TELO2: variants seen among roughly 807,000 people sequenced by gnomAD.
The protein encoded by TELO2 is telomere maintenance 2.
A neutral mutation model predicts 91.0 loss-of-function variants in TELO2; 71 were observed. That is an observed-to-expected ratio of 0.78 (90% confidence interval 0.64 to 0.95). The LOEUF (loss-of-function observed/expected upper bound fraction) is 0.95. Among genes scored for constraint, TELO2 ranks in the 40% least tolerant of loss-of-function variants. The pLI is 0.00. For missense variants in TELO2, 1,183 were observed against 1,141.3 expected (o/e 1.04, Z -0.53); for synonymous variants, 584 against 518.9 (o/e 1.13, Z -1.71).
rs934437223 is a variant in TELO2 at position 1,497,565 on chromosome 16, G to A, written c.830+57G>A. On this transcript the variant is annotated intron_variant, in intron 5 of 20. Coordinates refer to ENST00000262319, the MANE Select transcript of TELO2 (RefSeq NM_016111.4). The surrounding 1 kb of genome is among the most constrained non-coding windows in gnomAD (Gnocchi z 4.0). ...GGCTTCTGGGGTCTGGACCCCCAGA[G>A]GCTGCCATTCCTTCACGCTACTTCT... is the stretch of plus-strand genomic sequence containing the variant. 42 of 1,493,870 alleles carry A rather than the reference G, an allele frequency of 2.8e-5. No individual in the cohort carries two copies. The African/African-American group carries it at 5.4e-4, about 19-fold the overall frequency. 92.5% of individuals were successfully genotyped at this position (1,493,870 alleles called of 1,614,324 possible).
rs1032489269 is a variant in TELO2, at chr16:1,495,336, G to T, written c.336-10G>T. 3.9e-6 allele frequency: 6 copies of T among 1,534,912 alleles called. No homozygotes were observed. Among genetic ancestry groups the T allele is most frequent in the Non-Finnish European group, 5.3e-6 (6 of 1,135,992 alleles). ...GTTGGCGGCTCTGCCCAACACGCCCGTATCTTCAGCCCCAGCTTCCGGCTG... is the reference window on the plus strand; with the variant it reads ...GTTGGCGGCTCTGCCCAACACGCCCTTATCTTCAGCCCCAGCTTCCGGCTG... On this transcript the variant is annotated splice_polypyrimidine_tract_variant and intron_variant, in intron 2 of 20. Transcript: ENST00000262319.
rs143221233 is a variant in TELO2 at position 1,507,911 on chromosome 16, GGT to G, written c.2407+211_2407+212del. On this transcript the variant is annotated intron_variant, in intron 20 of 20. Coordinates refer to ENST00000262319, the MANE Select transcript of TELO2 (RefSeq NM_016111.4). ...GTGTGTGTGATGTGTGTCGGCCCGGGGTGTGTGTGTGTGTGTGGGTGTGTGTG... is the reference window on the plus strand; with the variant it reads ...GTGTGTGTGATGTGTGTCGGCCCGGGGTGTGTGTGTGTGTGGGTGTGTGTG... Among the ~76,000 whole-genome samples, 35 of 130,588 alleles carry G rather than the reference GGT, an allele frequency of 2.7e-4. No homozygotes were observed. In the East Asian group the frequency reaches 4.0e-3, roughly 15 times the overall value. The allele number at this position is 130,588 out of a possible 152,430, so 85.7% of individuals were successfully genotyped here. A position where few individuals can be genotyped will look rare whatever the true frequency, so the allele number is the denominator to read the frequency against.
chr16:1,494,580 T>TC lies in TELO2; in HGVS notation c.301dup (p.Leu101ProfsTer179). On this transcript the variant is annotated frameshift_variant, in exon 2 of 21. Coordinates refer to ENST00000262319, the MANE Select transcript of TELO2 (RefSeq NM_016111.4). LOFTEE classifies it high-confidence loss of function. The surrounding 1 kb of genome is among the most constrained non-coding windows in gnomAD (Gnocchi z 5.6). ...CTGGAGGGCCCGGCGGACCAAGCCT[T>TC]CCTGGTGTTGATGGAGACCATCGAG... 1 of 1,613,444 alleles carries TC rather than the reference T, an allele frequency of 6.2e-7. No individual in the cohort carries two copies. Among genetic ancestry groups the TC allele is most frequent in the Non-Finnish European group, 8.5e-7 (1 of 1,179,902 alleles).
chr16:1,495,202 TC>T (rs1479464921), intron 2 of TELO2, 143 bp from the exon 3 acceptor site: 47 of 1,207,880 alleles, frequency 3.9e-5, no homozygotes, highest in Non-Finnish European at 5.2e-5. Context: ...TAACAGATTT[TC>T]CCATCCGGCT....
At chr16:1,506,387 C>T in intron 17 of TELO2, 58 bp downstream of exon 17, 1 of 1,612,258 alleles carries the variant, frequency 6.2e-7, no homozygotes, top group Non-Finnish European at 8.5e-7. Flanking sequence ...GGACGTACCA[C>T]TGTGGCCAAG....
At position 1,495,626 on chromosome 16, in the gene TELO2, G is replaced by A. The variant is rs760002194; in HGVS notation, c.613+3G>A. 13 of 1,583,768 alleles carry A rather than the reference G, an allele frequency of 8.2e-6. No individual in the cohort carries two copies. Among genetic ancestry groups the A allele is most frequent in the Non-Finnish European group, 9.5e-6 (11 of 1,160,330 alleles). The stretch of plus-strand genomic sequence containing the variant: ...GGCGGTTGTGGACTCTCTCCAAGGT[G>A]AGGCCCTGCCTCGGGGACCCCCTTT... On this transcript the variant is annotated splice_donor_region_variant and intron_variant, in intron 3 of 20. Coordinates refer to ENST00000262319, the MANE Select transcript of TELO2 (RefSeq NM_016111.4).
intron 20 of TELO2, 101 bp from the exon 21 acceptor site, chr16:1,509,729 A>G: frequency 9.1e-7 from 1 of 1,092,912 alleles, no homozygotes; most frequent in South Asian, 1.4e-5. Flanking sequence ...TCTTCCATGG[A>G]GTCAGGCCTG....
Position 1,494,290 on chromosome 16 carries a change from A to G in TELO2, c.9A>G (p.Pro3=). 6.2e-7 allele frequency: 1 copy of G among 1,612,458 alleles called. No homozygotes were observed. Among genetic ancestry groups the G allele is most frequent in the Non-Finnish European group, 8.5e-7 (1 of 1,179,404 alleles). The change falls in exon 2 of 21, where the codon CCA becomes CCG. Residue 3 remains proline, a synonymous_variant. Transcript: ENST00000262319. This position sits in a 1 kb window ranked among gnomAD's most constrained non-coding sequence, Gnocchi z 5.6. ...CAGATCTGTCCTGCAGGATGGAGCC[A>G]GCACCCTCAGAGGTTCGACTCGCCG... The part of the protein sequence containing the change: ME[P]APSEVRLAVR...
chr16:1,504,005 G>A (rs1012577988), intron 15 of TELO2, among the ~76,000 whole-genome samples: 13 of 151,756 alleles, frequency 8.6e-5, no homozygotes, highest in African/African-American at 2.4e-4. Context: ...GGGCGCCTGT[G>A]GTCCCTGCTA....
chr16:1,507,103 A>G, intron 18 of TELO2, 52 bp downstream of exon 18: 1 of 1,543,348 alleles, frequency 6.5e-7, no homozygotes, highest in Non-Finnish European at 8.7e-7. Flanking sequence ...ATGGATCAGG[A>G]GCGCTCCTCA....
rs748934962 is a variant in TELO2, at chr16:1,494,548, C to T, written c.267C>T (p.Ser89=). ...PHGRLEELWA[S]FFLEGPADQA... Reference sequence around the variant, plus strand: ...GCCGCCTGGAGGAGCTGTGGGCCAGCTTCTTCCTGGAGGGCCCGGCGGACC... The same window carrying T: ...GCCGCCTGGAGGAGCTGTGGGCCAGTTTCTTCCTGGAGGGCCCGGCGGACC... Residue 89 remains serine (S), a synonymous_variant, in exon 2 of 21, where the codon AGC becomes AGT. Transcript: ENST00000262319. The surrounding 1 kb of genome is among the most constrained non-coding windows in gnomAD (Gnocchi z 5.6). The T allele has an allele frequency of 6.2e-6, 10 of 1,613,414 alleles. No homozygotes were observed. In the African/African-American group the frequency reaches 9.3e-5, roughly 15 times the overall value.
At position 1,495,628 on chromosome 16, in the gene TELO2, G is replaced by A; in HGVS notation, c.613+5G>A. The A allele has an allele frequency of 1.9e-6, 3 of 1,579,698 alleles. No homozygotes were observed. Among genetic ancestry groups the A allele is most frequent in the Non-Finnish European group, 2.6e-6 (3 of 1,158,072 alleles). On this transcript the variant is annotated splice_donor_5th_base_variant and intron_variant, in intron 3 of 20. Coordinates refer to ENST00000262319, the MANE Select transcript of TELO2 (RefSeq NM_016111.4). ...CGGTTGTGGACTCTCTCCAAGGTGA[G>A]GCCCTGCCTCGGGGACCCCCTTTGC...
rs61742313 is a variant in TELO2 at position 1,494,295 on chromosome 16, C to G, written c.14C>G (p.Pro5Arg). 57 of 1,612,936 alleles carry G rather than the reference C, an allele frequency of 3.5e-5. No homozygotes were observed. In the African/African-American group the frequency reaches 6.5e-4, roughly 18 times the overall value. MEPA[P>R]SEVRLAVREA... is the part of the protein sequence containing the mutation. The stretch of plus-strand genomic sequence containing the variant: ...CTGTCCTGCAGGATGGAGCCAGCAC[C>G]CTCAGAGGTTCGACTCGCCGTCCGG... Residue 5 changes from proline (P) to arginine (R), a missense_variant, in exon 2 of 21, where the codon CCC becomes CGC. Physicochemically the swap from Pro to Arg is moderately radical, Grantham distance 103. Coordinates refer to ENST00000262319, the MANE Select transcript of TELO2 (RefSeq NM_016111.4). This position sits in a 1 kb window ranked among gnomAD's most constrained non-coding sequence, Gnocchi z 5.6.
In TELO2 at chr16:1,510,278, C is replaced by T. The variant is rs779676743; in HGVS notation, c.*342C>T. 2.8e-6 allele frequency: 1 copy of T among 351,706 alleles called. No homozygotes were observed. Among genetic ancestry groups the T allele is most frequent in the African/African-American group, 2.1e-5 (1 of 47,294 alleles). 21.8% of individuals were successfully genotyped at this position (351,706 alleles called of 1,614,324 possible). ...GCTGCTCAGAGCCCCCAAGGCTCTC[C>T]TCTGAGAGCCACCAAGCAGGACAGA... On this transcript the variant is annotated 3_prime_UTR_variant, in exon 21 of 21. Coordinates refer to ENST00000262319, the MANE Select transcript of TELO2 (RefSeq NM_016111.4).
rs765327109 is a variant in TELO2 at position 1,507,629 on chromosome 16, G to A, written c.2320G>A (p.Val774Ile). 1.6e-5 allele frequency: 25 copies of A among 1,596,822 alleles called. No homozygotes were observed. The highest frequency in any genetic ancestry group is 5.3e-5 in the African/African-American group (4 of 74,878). The change falls in exon 20 of 21, where the codon GTC (valine) becomes ATC (isoleucine). Residue 774 changes from valine (V) to isoleucine (I), a missense_variant. Val to Ile is a conservative substitution (Grantham distance 29). Transcript: ENST00000262319. ...AYVRQGLLSA[V>I]SSVLLSLPAA... ...CGTGCGCCAGGGGCTGTTGTCGGCC[G>A]TCTCCTCCGTCCTGCTCAGCCTGCC...
chr16:1,499,463 G>A, intron 6 of TELO2, 130 bp downstream of exon 6: 2 of 1,011,396 alleles, frequency 2.0e-6, no homozygotes, highest in South Asian at 1.4e-5. Context: ...GCTGGCAGGA[G>A]TTGGCGAGGC....
chr16:1,501,885 C>T, intron 11 of TELO2, 112 bp downstream of exon 11: 2 of 1,450,782 alleles, frequency 1.4e-6, no homozygotes, highest in South Asian at 1.2e-5. Context: ...TGCTTCTTCT[C>T]TTTCGTCCTC....
At chr16:1,502,220 A>G (rs2039714857) in intron 12 of TELO2, 85 bp downstream of exon 12, 1 of 1,583,902 alleles carries the variant, frequency 6.3e-7, no homozygotes, top group Admixed American at 1.8e-5. Flanking sequence ...GCCACCGGGA[A>G]GCCCTGGGCC....
In TELO2 at chr16:1,505,138, C is replaced by A; in HGVS notation, c.1843-272C>A. 1 of 431,672 alleles carries A rather than the reference C, an allele frequency of 2.3e-6. No individual in the cohort carries two copies. The highest frequency in any genetic ancestry group is 4.2e-6 in the Non-Finnish European group (1 of 238,704). 26.7% of individuals were successfully genotyped at this position (431,672 alleles called of 1,614,324 possible). ...ATAAGGGCATGTGGCTCTGGCGTGG[C>A]GGGACTGCGTGGCTTTAGGATGAGG... On this transcript the variant is annotated intron_variant, in intron 15 of 20. Coordinates refer to ENST00000262319, the MANE Select transcript of TELO2 (RefSeq NM_016111.4). The surrounding 1 kb of genome is among the most constrained non-coding windows in gnomAD (Gnocchi z 4.3).
Sources: gnomAD v4.1 joint callset for allele counts (sites outside exome capture counted in the v4.1 genomes callset) on GRCh38, gnomAD v4.1.1 for gene constraint, Gnocchi (gnomAD v3.1) non-coding constraint, MANE v1.5 for transcripts, NCBI Gene and HGNC (gene_info 2026-07-23, HGNC 2026-07-21) for gene names.